Variants in USH2A observed in about 807,000 individuals in gnomAD.
USH2A encodes the protein usherin.
In USH2A, 443 loss-of-function variants were observed where a neutral mutation model predicts 538.9. The ratio of observed to expected loss-of-function variants is 0.82; its 90% confidence interval spans 0.76 to 0.89. The LOEUF is 0.89. Among genes scored for constraint, USH2A ranks in the 40% least tolerant of loss-of-function variants. The pLI is 0.00. For synonymous variants in USH2A, 2,413 were observed against 2,273.5 expected, an observed-to-expected ratio of 1.06 and a Z score of -1.75; for missense variants, 6,633 against 6,324.8, an observed-to-expected ratio of 1.05 and a Z score of -1.65.
intron 62 of USH2A, among the ~76,000 whole-genome samples, chr1:215,677,870 A>G (rs1377645236): frequency 3.3e-5 from 5 of 152,186 alleles, no homozygotes; most frequent in African/African-American, 4.8e-5. Flanking sequence ...TATCCCAGCA[A>G]AGAACACTCT....
At chr1:215,627,398 TTCCTTCCTTCCTTCCTTCCTTCCTTCC>T (rs1656072033) in intron 71 of USH2A, among the ~76,000 whole-genome samples, 2 of 68,824 alleles carry the variant, frequency 2.9e-5, no homozygotes, top group African/African-American at 1.1e-4. Context: ...CCTTCCTTCC[TTCCTTCCTTCCTTCCTTCCTTCCTTCC>T]TTCCTTCCTT....
intron 64 of USH2A, among the ~76,000 whole-genome samples, chr1:215,655,524 A>G (rs1056029941): frequency 6.6e-6 from 1 of 152,014 alleles, no homozygotes; most frequent in African/African-American, 2.4e-5. Flanking sequence ...AATGCTCCCA[A>G]TTTCTCTCAA....
intron 42 of USH2A, 86 bp from the exon 43 acceptor site, chr1:215,877,966 G>A (rs1246946400): frequency 1.8e-5 from 28 of 1,558,070 alleles, no homozygotes; most frequent in Middle Eastern, 3.4e-4. Context: ...TGGCATGTGC[G>A]TGTGATATAT....
intron 21 of USH2A, among the ~76,000 whole-genome samples, chr1:216,146,869 C>T (rs1439431918): frequency 6.6e-6 from 1 of 152,146 alleles, no homozygotes; most frequent in Non-Finnish European, 1.5e-5. Context: ...CTTAAAACCT[C>T]TTCAACTCAC....
intron 11 of USH2A, among the ~76,000 whole-genome samples, chr1:216,259,947 A>C (rs937279808): frequency 1.3e-5 from 2 of 152,102 alleles, no homozygotes; most frequent in Non-Finnish European, 1.5e-5. Context: ...AAATATTGGC[A>C]ACGTTCTTGA....
At chr1:216,420,473 C>T (rs1386955877) in intron 2 of USH2A, among the ~76,000 whole-genome samples, 2 of 152,002 alleles carry the variant, frequency 1.3e-5, no homozygotes, top group African/African-American at 4.8e-5. Context: ...CCCCGAAATT[C>T]CCCCAATTCC....
intron 58 of USH2A, among the ~76,000 whole-genome samples, chr1:215,748,659 C>A (rs1660547504): frequency 6.6e-6 from 1 of 152,126 alleles, no homozygotes; most frequent in Non-Finnish European, 1.5e-5. Flanking sequence ...TTGAACTAGA[C>A]AAACCACAGA....
intron 4 of USH2A, among the ~76,000 whole-genome samples, chr1:216,344,884 C>G (rs1299429769): frequency 6.6e-6 from 1 of 150,748 alleles, no homozygotes; most frequent in Admixed American, 6.7e-5. Context: ...TTTGGCAATA[C>G]GAGATATTAA....
At chr1:216,169,006 T>C (rs952664816) in intron 21 of USH2A, among the ~76,000 whole-genome samples, 3 of 152,122 alleles carry the variant, frequency 2.0e-5, no homozygotes. Context: ...AAGTTTCCCA[T>C]ACAGCAGGCT....
intron 35 of USH2A, among the ~76,000 whole-genome samples, chr1:215,990,750 CT>C (rs1667984016): frequency 7.2e-6 from 1 of 137,990 alleles, no homozygotes; most frequent in African/African-American, 2.7e-5. Context: ...GATTGTTAAT[CT>C]TAATTTTCCT....
At chr1:216,115,101 A>G (rs1289293414) in intron 21 of USH2A, among the ~76,000 whole-genome samples, 1 of 137,700 alleles carries the variant, frequency 7.3e-6, no homozygotes, top group Non-Finnish European at 1.5e-5. Flanking sequence ...ACATACCAAG[A>G]TATTTATTTA....
chr1:216,280,759 A>T (rs1239010699), intron 11 of USH2A, among the ~76,000 whole-genome samples: 2 of 152,288 alleles, frequency 1.3e-5, no homozygotes, highest in African/African-American at 4.8e-5. Context: ...ATGAGATTGG[A>T]TTGAGTTTCA....
rs1416921619 is a variant in USH2A, at chr1:216,422,001, G to T, written c.336C>A (p.Asp112Glu). ...GGGCGTTAGGATGCAGATCATTCTT[G>T]TCTGGTGTGATGCAGCTACTGAGGC... The part of the protein sequence containing the change: ...SAGLSSCITP[D>E]KNDLHPNAHS... The change falls in exon 2 of 72, where the codon GAC becomes GAA. Residue 112 changes from aspartate (D) to glutamate (E), a missense_variant. Transcript: ENST00000307340. The T allele has an allele frequency of 6.2e-7, 1 of 1,613,970 alleles. No individual in the cohort carries two copies. Among genetic ancestry groups the T allele is most frequent in the Non-Finnish European group, 8.5e-7 (1 of 1,179,930 alleles).
At chr1:216,114,384 A>G (rs1333706143) in intron 21 of USH2A, among the ~76,000 whole-genome samples, 1 of 152,100 alleles carries the variant, frequency 6.6e-6, no homozygotes, top group Non-Finnish European at 1.5e-5. Context: ...ACAACACTAA[A>G]TAACAGTGGA....
intron 62 of USH2A, 42 bp from the exon 63 acceptor site, chr1:215,675,658 A>C: frequency 6.2e-7 from 1 of 1,613,688 alleles, no homozygotes; most frequent in South Asian, 1.1e-5. Context: ...TGCAGCATAC[A>C]ATTTCTTTGT....
Position 215,674,572 on chromosome 1 carries a change from T to A in USH2A, c.13339A>T (p.Met4447Leu), listed in dbSNP as rs139474806. Residue 4447 changes from methionine (M) to leucine (L), a missense_variant, in exon 63 of 72, where the codon ATG becomes TTG. Physicochemically the swap from Met to Leu is conservative, Grantham distance 15 (BLOSUM62 2). Transcript: ENST00000307340. ...AWTMEALPEN[M>L]DSPTLQVTGS... is the part of the protein sequence containing the mutation. ...GTGACTTGCAATGTTGGAGAGTCCA[T>A]GTTCTCTGGCAGGGCCTCCATTGTC... 59 of 1,614,044 alleles carry A rather than the reference T, an allele frequency of 3.7e-5. No individual in the cohort carries two copies. The highest frequency in any genetic ancestry group is 2.9e-5 in the Non-Finnish European group (34 of 1,180,016).
At chr1:216,152,958 T>G (rs1262640496) in intron 21 of USH2A, among the ~76,000 whole-genome samples, 2 of 152,042 alleles carry the variant, frequency 1.3e-5, no homozygotes, top group Non-Finnish European at 2.9e-5. Context: ...CAGTGCCACA[T>G]AGAAGAAGAG....
intron 61 of USH2A, among the ~76,000 whole-genome samples, chr1:215,721,785 C>T (rs547920412): frequency 1.3e-5 from 2 of 152,146 alleles, no homozygotes; most frequent in South Asian, 2.1e-4. Context: ...AAAGTTTTGC[C>T]ATGGTCAGTG....
chr1:215,764,101 A>C (rs189504227), intron 56 of USH2A, among the ~76,000 whole-genome samples: 110 of 152,252 alleles, frequency 7.2e-4, no homozygotes, highest in Admixed American at 1.6e-3. Flanking sequence ...GTAGACCAGT[A>C]AATACATAGG....
Sources: gnomAD v4.1 joint callset for allele counts (sites outside exome capture counted in the v4.1 genomes callset) on GRCh38, gnomAD v4.1.1 for gene constraint, MANE v1.5 for transcripts, NCBI Gene and HGNC (gene_info 2026-07-23, HGNC 2026-07-21) for gene names.